Variants in RBM26 observed in about 807,000 individuals in gnomAD.
The protein encoded by RBM26 is RNA binding motif protein 26, also known as RNA-binding protein 26.
Under a neutral mutation model 123.6 loss-of-function variants are expected in RBM26, and 30 were observed. The ratio of observed to expected loss-of-function variants is 0.24; its 90% CI spans 0.18 to 0.33. The LOEUF is 0.33. Ranked by LOEUF, RBM26 falls within the 10% of genes least tolerant of loss-of-function variation. The pLI is 1.00. For missense variants in RBM26, 947 were observed against 1,203.6 expected (o/e 0.79, Z 3.15); for synonymous variants, 400 against 404.4 (o/e 0.99, Z 0.13).
chr13:79,403,734 G>C (rs2079251941), intron 1 of RBM26, among the ~76,000 whole-genome samples: 1 of 152,158 alleles, frequency 6.6e-6, no homozygotes, highest in Non-Finnish European at 1.5e-5. Context: ...TTCTGCTCCA[G>C]AGTTCTCCTC....
exon 5 of RBM26, chr13:79,312,468 TTC>T (rs2066921021): frequency 6.6e-6 from 1 of 152,066 alleles, no homozygotes; most frequent in Non-Finnish European, 1.5e-5. Context: ...GCAATAATAC[TTC>T]TCTTTACAAC....
At chr13:79,320,908 G>C (rs1186564991) in intron 21 of RBM26, among the ~76,000 whole-genome samples, 198 bp from the exon 22 acceptor site, 1 of 151,174 alleles carries the variant, frequency 6.6e-6, no homozygotes, top group Non-Finnish European at 1.5e-5. Flanking sequence ...TCTATTGCTT[G>C]CATGAAACAC....
intron 1 of RBM26, among the ~76,000 whole-genome samples, chr13:79,384,423 A>G (rs1474761584): frequency 1.3e-5 from 2 of 151,994 alleles, no homozygotes; most frequent in East Asian, 1.9e-4. Context: ...ACACCTGGCT[A>G]ATTTTTGTTT....
At chr13:79,343,505 T>G in intron 16 of RBM26, among the ~76,000 whole-genome samples, 1 of 151,922 alleles carries the variant, frequency 6.6e-6, no homozygotes, top group East Asian at 1.9e-4. Context: ...CAAATCAAAA[T>G]GTAGTTTCTG....
intron 16 of RBM26, 36 bp downstream of exon 16, chr13:79,344,211 AT>A (rs776390361): frequency 1.1e-5 from 14 of 1,283,374 alleles, no homozygotes; most frequent in Admixed American, 3.4e-5. Context: ...AAATTATAAC[AT>A]TTGCAATTTG....
At chr13:79,401,213 G>C (rs1261656032) in intron 1 of RBM26, among the ~76,000 whole-genome samples, 2 of 152,180 alleles carry the variant, frequency 1.3e-5, no homozygotes, top group Non-Finnish European at 2.9e-5. Flanking sequence ...GTAGTAACAA[G>C]TACAGGTGAA....
chr13:79,391,992 CATT>C (rs564418914), intron 1 of RBM26, among the ~76,000 whole-genome samples: 6,304 of 108,244 alleles, frequency 0.058, 743 homozygotes, highest in African/African-American at 0.21. Flanking sequence ...TTATGCAATA[CATT>C]ATTATATAAT....
chr13:79,335,377 G>A (rs2070176998), intron 19 of RBM26, among the ~76,000 whole-genome samples: 1 of 151,990 alleles, frequency 6.6e-6, no homozygotes, highest in Non-Finnish European at 1.5e-5. Flanking sequence ...ATGAATTATT[G>A]TAAGGCACTC....
rs2067411441 is a variant in RBM26 at position 79,319,147 on chromosome 13, GGAA to G, written c.*1471_*1473del. 7 of 984,556 alleles carry G rather than the reference GGAA, an allele frequency of 7.1e-6. No individual in the cohort carries two copies. Among genetic ancestry groups the G allele is most frequent in the South Asian group, 4.7e-5 (1 of 21,274 alleles). The allele number at this position is 984,556 out of a possible 1,614,324, so 61.0% of individuals were successfully genotyped here. ...TTCAACCCCAATTAGGGGTGTATGG[GGAA>G]GAAGAAAAAGAACAGCATCCTTAAG... On this transcript the variant is annotated 3_prime_UTR_variant, in exon 22 of 22. Coordinates refer to ENST00000438737, the MANE Select transcript of RBM26 (RefSeq NM_001366735.2).
intron 16 of RBM26, 122 bp from the exon 17 acceptor site, chr13:79,342,953 G>C (rs1466780722): frequency 3.3e-6 from 2 of 602,108 alleles, no homozygotes; most frequent in Non-Finnish European, 5.6e-6. Context: ...GCATTCGTGA[G>C]AAGGCTAACA....
chr13:79,390,872 C>A (rs2077908298), intron 1 of RBM26, among the ~76,000 whole-genome samples: 1 of 152,086 alleles, frequency 6.6e-6, no homozygotes, highest in East Asian at 1.9e-4. Flanking sequence ...AGAGGACTAG[C>A]CTTTCATCAC....
chr13:79,351,123 G>A (rs2073152919), intron 14 of RBM26, among the ~76,000 whole-genome samples: 1 of 151,878 alleles, frequency 6.6e-6, no homozygotes, highest in East Asian at 1.9e-4. Context: ...CTACAAATTT[G>A]TACTCACAAT....
chr13:79,316,272 C>T (rs374759947), downstream of RBM26, among the ~76,000 whole-genome samples: 294 of 147,578 alleles, frequency 2.0e-3, 5 homozygotes, highest in South Asian at 0.033. Context: ...TCTAGAAGAA[C>T]TAAAACTAAT....
intron 9 of RBM26, 30 bp from the exon 10 acceptor site, chr13:79,359,716 A>G (rs766495551): frequency 5.5e-6 from 7 of 1,264,014 alleles, no homozygotes; most frequent in Non-Finnish European, 7.7e-6. Context: ...AATGAAAAAA[A>G]TAAGCATAGG....
chr13:79,336,202 T>C (rs1452573385), intron 19 of RBM26, among the ~76,000 whole-genome samples: 1 of 152,214 alleles, frequency 6.6e-6, no homozygotes, highest in Non-Finnish European at 1.5e-5. Context: ...ATTACAGTTT[T>C]ACTACTTTAT....
chr13:79,355,611 C>T (rs149086253), intron 11 of RBM26, among the ~76,000 whole-genome samples: 3 of 152,214 alleles, frequency 2.0e-5, no homozygotes, highest in South Asian at 2.1e-4. Context: ...CAGAGAAAGT[C>T]GACTGCATAA....
rs1566428994 is a variant in RBM26 at position 79,356,387 on chromosome 13, AAC to A, written c.1690-1005_1690-1004del. Among the ~76,000 whole-genome samples, 3 of 39,034 alleles carry A rather than the reference AAC, an allele frequency of 7.7e-5. 1 individual carries two copies. Among genetic ancestry groups the A allele is most frequent in the Non-Finnish European group, 1.8e-4 (3 of 16,280 alleles). The allele number at this position is 39,034 out of a possible 152,430, so 25.6% of individuals were successfully genotyped here. On this transcript the variant is annotated intron_variant, in intron 11 of 21. Coordinates refer to ENST00000438737, the MANE Select transcript of RBM26 (RefSeq NM_001366735.2). ...TCTGTCTCAAAAAAAAAAAAAAACA[AAC>A]AAAAAAAAACAAAAAAGTAGTTGGA...
At chr13:79,379,018 A>AGTTAAGTGAGTT in intron 1 of RBM26, 111 bp from the exon 2 acceptor site, 1 of 676,406 alleles carries the variant, frequency 1.5e-6, no homozygotes, top group Non-Finnish European at 2.6e-6. Context: ...ATACATGTAA[A>AGTTAAGTGAGTT]AAGCACCCGG....
chr13:79,391,198 T>C (rs1312424576), intron 1 of RBM26, among the ~76,000 whole-genome samples: 1 of 152,216 alleles, frequency 6.6e-6, no homozygotes, highest in Admixed American at 6.5e-5. Context: ...TAAGTCACAG[T>C]ATGATTTGTA....
Sources: gnomAD v4.1 joint callset for allele counts (sites outside exome capture counted in the v4.1 genomes callset) on GRCh38, gnomAD v4.1.1 for gene constraint, MANE v1.5 for transcripts, NCBI Gene and HGNC (gene_info 2026-07-23, HGNC 2026-07-21) for gene names.